The following PDE10A variants were observed in gnomAD, a reference collection of about 807,000 sequenced individuals.
The protein encoded by PDE10A is cAMP and cAMP-inhibited cGMP 3',5'-cyclic phosphodiesterase 10A.
In PDE10A, 39 loss-of-function variants were observed where a neutral mutation model predicts 97.7. The observed-to-expected ratio is 0.40, with a 90% CI of 0.31 to 0.52. PDE10A has a LOEUF of 0.52. Ranked by LOEUF, PDE10A falls within the 20% of genes least tolerant of loss-of-function variation. PDE10A has a pLI of 0.56. For missense variants in PDE10A, 731 were observed against 1,047.8 expected (o/e 0.70, Z 4.17); for synonymous variants, 371 against 376.8 (o/e 0.98, Z 0.18).
intron 1 of PDE10A, among the ~76,000 whole-genome samples, chr6:165,862,485 A>G (rs902363642): frequency 2.0e-5 from 3 of 152,200 alleles, no homozygotes; most frequent in African/African-American, 7.2e-5. Context: ...GTGCATGGCC[A>G]CATCTGGTCA....
chr6:165,471,441 T>C (rs1779000968), intron 3 of PDE10A, among the ~76,000 whole-genome samples: 1 of 152,060 alleles, frequency 6.6e-6, no homozygotes, highest in Non-Finnish European at 1.5e-5. Flanking sequence ...CCCAGAACGT[T>C]TACCTAAACT....
intron 1 of PDE10A, among the ~76,000 whole-genome samples, chr6:165,817,780 C>T (rs1779459381): frequency 1.3e-5 from 2 of 152,146 alleles, no homozygotes; most frequent in Non-Finnish European, 2.9e-5. Flanking sequence ...CTCTGAACTC[C>T]AGTTTCCTGA....
At chr6:165,823,261 A>T (rs200805239) in intron 1 of PDE10A, among the ~76,000 whole-genome samples, 1 of 102,030 alleles carries the variant, frequency 9.8e-6, no homozygotes, top group African/African-American at 2.9e-5. Context: ...TCCTATTTTT[A>T]ATTTTTTTTA....
intron 1 of PDE10A, among the ~76,000 whole-genome samples, chr6:165,610,546 AAAAG>A (rs1562627226): frequency 6.6e-6 from 1 of 151,820 alleles, no homozygotes; most frequent in African/African-American, 2.4e-5. Context: ...AAAAAAAAAA[AAAAG>A]AAAGAAATGG....
intron 18 of PDE10A, among the ~76,000 whole-genome samples, chr6:165,360,025 G>A (rs545343188): frequency 5.3e-4 from 81 of 152,130 alleles, no homozygotes; most frequent in Non-Finnish European, 1.1e-3. Flanking sequence ...CAATCCTGTG[G>A]AAGTTTGAGT....
intron 1 of PDE10A, among the ~76,000 whole-genome samples, chr6:165,698,771 G>A (rs138466142): frequency 8.5e-5 from 13 of 152,286 alleles, no homozygotes; most frequent in African/African-American, 2.4e-4. Context: ...AACCCAGGAG[G>A]TGGAGGTTGC....
At chr6:165,554,221 G>C (rs571835637) in intron 1 of PDE10A, among the ~76,000 whole-genome samples, 22 of 152,160 alleles carry the variant, frequency 1.4e-4, no homozygotes, top group South Asian at 1.2e-3. Flanking sequence ...AAAGTGAAGA[G>C]ACAATCCATG....
Position 165,374,865 on chromosome 6 carries a change from G to T in PDE10A, c.2783+4329C>A, listed in dbSNP as rs1487165706. Among the ~76,000 whole-genome samples the T allele has an allele frequency of 6.0e-5, 9 of 150,258 alleles. 1 individual carries two copies. Among genetic ancestry groups the T allele is most frequent in the African/African-American group, 2.0e-4 (8 of 40,806 alleles). ...ACTTTGATTCTCTGTGTTACATTTT[G>T]GTAATTTTCAAAATATTTCAAATAT... is the stretch of plus-strand genomic sequence containing the variant. On this transcript the variant is annotated intron_variant, in intron 18 of 21. Coordinates refer to ENST00000539869, the MANE Select transcript of PDE10A (RefSeq NM_001385079.1).
rs920894499 is a variant in PDE10A, at chr6:165,388,118, A to G, written c.2610+180T>C. On this transcript the variant is annotated intron_variant, in intron 17 of 21. Transcript: ENST00000539869. The surrounding 1 kb of genome is among the most constrained non-coding windows in gnomAD (Gnocchi z 4.0). ...AATACATATATTCAAATTATTTGTA[A>G]AGGATTCTTTATGCAAAAAACACTA... is the stretch of plus-strand genomic sequence containing the variant. 1.3e-5 allele frequency among the ~76,000 whole-genome samples: 2 copies of G among 152,232 alleles called. No individual in the cohort carries two copies. Among genetic ancestry groups the G allele is most frequent in the African/African-American group, 4.8e-5 (2 of 41,470 alleles).
rs1366778419 is a variant in PDE10A, at chr6:165,650,582, G to A, written c.865+11365C>T. ...GATCTTCTGGACATTCGTTTACACTGCTGCAAATGTTATTTAACCAAGCGC... is the reference window on the plus strand; with the variant it reads ...GATCTTCTGGACATTCGTTTACACTACTGCAAATGTTATTTAACCAAGCGC... On this transcript the variant is annotated intron_variant, in intron 1 of 21. Transcript: ENST00000539869. 7.2e-5 allele frequency among the ~76,000 whole-genome samples: 11 copies of A among 152,118 alleles called. No homozygotes were observed. In the South Asian group the frequency reaches 2.3e-3, roughly 32 times the overall value.
At chr6:165,442,993 T>A (rs1287533368) in intron 5 of PDE10A, among the ~76,000 whole-genome samples, 1 of 150,766 alleles carries the variant, frequency 6.6e-6, no homozygotes, top group African/African-American at 2.4e-5. Context: ...GTACCTGTAG[T>A]CCCAGCTACT....
chr6:165,449,200 T>C (rs1791092944), intron 4 of PDE10A, among the ~76,000 whole-genome samples: 1 of 152,258 alleles, frequency 6.6e-6, no homozygotes, highest in East Asian at 1.9e-4. Context: ...TAAGACGATA[T>C]GCTCAAATGC....
At chr6:165,630,908 G>A (rs760896155) in intron 1 of PDE10A, among the ~76,000 whole-genome samples, 2 of 152,080 alleles carry the variant, frequency 1.3e-5, no homozygotes, top group Non-Finnish European at 2.9e-5. Context: ...CTCTAGAATC[G>A]GCTGGATGGA....
At chr6:165,934,525 C>T (rs1409988107) in intron 1 of PDE10A, among the ~76,000 whole-genome samples, 1 of 152,116 alleles carries the variant, frequency 6.6e-6, no homozygotes, top group African/African-American at 2.4e-5. Flanking sequence ...TTATTTTCCT[C>T]AGCCCCATTA....
At chr6:165,922,111 A>C (rs1782769829) in intron 1 of PDE10A, among the ~76,000 whole-genome samples, 1 of 152,374 alleles carries the variant, frequency 6.6e-6, no homozygotes, top group South Asian at 2.1e-4. Context: ...TGCATGTGAG[A>C]GAAAGCAGTC....
intron 1 of PDE10A, chr6:165,754,359 T>C (rs1336121761): frequency 6.6e-6 from 1 of 152,186 alleles, no homozygotes; most frequent in African/African-American, 2.4e-5. Context: ...CAACAAATCA[T>C]TTCCCTGGTA....
At chr6:165,731,583 C>A (rs1438533405) in intron 1 of PDE10A, among the ~76,000 whole-genome samples, 1 of 152,220 alleles carries the variant, frequency 6.6e-6, no homozygotes, top group Non-Finnish European at 1.5e-5. Flanking sequence ...CCAGAAAATA[C>A]TGCGGAGCCG....
chr6:165,401,154 G>T (rs955156412), intron 13 of PDE10A, among the ~76,000 whole-genome samples: 1 of 152,080 alleles, frequency 6.6e-6, no homozygotes, highest in East Asian at 1.9e-4. Context: ...ACAGTTGTAC[G>T]TTATTGTGTA....
chr6:165,369,322 A>G (rs1410069627), intron 18 of PDE10A, among the ~76,000 whole-genome samples: 1 of 151,740 alleles, frequency 6.6e-6, no homozygotes, highest in Non-Finnish European at 1.5e-5. Flanking sequence ...AAGAAGCTGA[A>G]AACTTTGAAA....
Sources: allele counts gnomAD v4.1 joint callset (sites outside exome capture counted in the v4.1 genomes callset), GRCh38; gene constraint gnomAD v4.1.1; non-coding constraint Gnocchi (gnomAD v3.1); transcripts MANE v1.5; gene names NCBI Gene and HGNC (gene_info 2026-07-23, HGNC 2026-07-21).